RNF180: variants seen among roughly 807,000 people sequenced by gnomAD.
RNF180 encodes E3 ubiquitin-protein ligase RNF180.
In RNF180, 38 loss-of-function variants were observed where a neutral mutation model predicts 59.2. The ratio of observed to expected loss-of-function variants is 0.64; its 90% CI spans 0.50 to 0.84. The LOEUF is 0.84. Ranked by LOEUF, RNF180 falls within the 40% of genes least tolerant of loss-of-function variation. The pLI, the probability that RNF180 is intolerant of heterozygous loss-of-function variation, is 0.00. For synonymous variants in RNF180, 262 were observed against 240.3 expected (o/e 1.09, Z -0.84); for missense variants, 705 against 700.9 (o/e 1.01, Z -0.07).
At chr5:64,263,305 T>C (rs1394947041) in intron 5 of RNF180, among the ~76,000 whole-genome samples, 1 of 152,156 alleles carries the variant, frequency 6.6e-6, no homozygotes, top group African/African-American at 2.4e-5. Flanking sequence ...AAGCCCCAAT[T>C]TGTAACACTT....
chr5:64,335,300 C>T (rs2112549576), intron 7 of RNF180, among the ~76,000 whole-genome samples: 1 of 152,000 alleles, frequency 6.6e-6, no homozygotes, highest in South Asian at 2.1e-4. Flanking sequence ...GTTCTTTTTA[C>T]TTTGATATAT....
At chr5:64,291,717 G>A (rs577971082) in intron 5 of RNF180, among the ~76,000 whole-genome samples, 39 of 152,118 alleles carry the variant, frequency 2.6e-4, no homozygotes, top group African/African-American at 8.7e-4. Context: ...GTGAGCCACC[G>A]TGCCCGGCCC....
intron 5 of RNF180, among the ~76,000 whole-genome samples, chr5:64,234,167 A>G (rs1337571387): frequency 1.3e-5 from 2 of 152,140 alleles, no homozygotes; most frequent in Non-Finnish European, 2.9e-5. Context: ...CCTGTTAAAA[A>G]CGAATTAAAG....
chr5:64,213,913 A>T lies in RNF180; in HGVS notation c.587A>T (p.Glu196Val). The T allele has an allele frequency of 6.2e-7, 1 of 1,614,102 alleles. No homozygotes were observed. The highest frequency in any genetic ancestry group is 1.7e-5 in the Admixed American group (1 of 59,952). The change falls in exon 4 of 8, where the codon GAA becomes GTA. Residue 196 changes from glutamate to valine, a missense_variant. Physicochemically the swap from Glu to Val is moderately radical, Grantham distance 121. Transcript: ENST00000389100. ...CCAACATATTTTGAGATGAAGAACGAAAAACTGCTGTCCAAAGCATCAGAA... is the reference window on the plus strand; with the variant it reads ...CCAACATATTTTGAGATGAAGAACGTAAAACTGCTGTCCAAAGCATCAGAA... ...VRPTYFEMKN[E>V]KLLSKASEPK... is the part of the protein sequence containing the mutation.
At position 64,335,110 on chromosome 5, in the gene RNF180, G is replaced by T. The variant is rs190721390; in HGVS notation, c.1579+4704G>T. 3.9e-5 allele frequency among the ~76,000 whole-genome samples: 6 copies of T among 152,282 alleles called. No individual in the cohort carries two copies. In the East Asian group the frequency reaches 1.2e-3, roughly 29 times the overall value. On this transcript the variant is annotated intron_variant, in intron 7 of 7. Coordinates refer to ENST00000389100, the MANE Select transcript of RNF180 (RefSeq NM_001113561.2). ...TTTAATTTCCATTACTGTGATTACTGATGGGGGTTGAACATATCTTTATAT... is the reference window on the plus strand; with the variant it reads ...TTTAATTTCCATTACTGTGATTACTTATGGGGGTTGAACATATCTTTATAT...
chr5:64,208,704 A>G (rs758131224), intron 2 of RNF180, among the ~76,000 whole-genome samples: 2 of 152,046 alleles, frequency 1.3e-5, no homozygotes, highest in African/African-American at 2.4e-5. Flanking sequence ...TAAAGTTTTC[A>G]GAAAACGAAA....
chr5:64,187,253 T>C (rs1224570337), intron 1 of RNF180, among the ~76,000 whole-genome samples: 1 of 152,196 alleles, frequency 6.6e-6, no homozygotes, highest in East Asian at 1.9e-4. Context: ...GGACAGGATA[T>C]GAAGTACTGG....
intron 7 of RNF180, among the ~76,000 whole-genome samples, chr5:64,332,502 A>G (rs1325749601): frequency 6.6e-6 from 1 of 152,164 alleles, no homozygotes; most frequent in African/African-American, 2.4e-5. Flanking sequence ...CTCTGTTTTG[A>G]TCTGTAAAAT....
intron 5 of RNF180, among the ~76,000 whole-genome samples, chr5:64,239,133 C>T (rs1742629592): frequency 6.6e-6 from 1 of 151,998 alleles, no homozygotes; most frequent in African/African-American, 2.4e-5. Context: ...TATTTTGACC[C>T]ATGTATATGG....
At chr5:64,241,474 T>C (rs1742803363) in intron 5 of RNF180, among the ~76,000 whole-genome samples, 1 of 152,162 alleles carries the variant, frequency 6.6e-6, no homozygotes, top group Admixed American at 6.5e-5. Flanking sequence ...AGCCTACAAG[T>C]TCAGACATTT....
chr5:64,357,426 CA>C (rs1746072967), intron 7 of RNF180, among the ~76,000 whole-genome samples: 1 of 151,800 alleles, frequency 6.6e-6, no homozygotes, highest in South Asian at 2.1e-4. Context: ...AAAGATAGGA[CA>C]TGTCTCCTTT....
chr5:64,357,596 T>C (rs954343877), intron 7 of RNF180, among the ~76,000 whole-genome samples: 11 of 151,838 alleles, frequency 7.2e-5, no homozygotes, highest in Non-Finnish European at 1.3e-4. Flanking sequence ...TTTTATTCTC[T>C]AAAGTCTGTC....
chr5:64,260,959 G>A (rs1317853370), intron 5 of RNF180, among the ~76,000 whole-genome samples: 3 of 141,832 alleles, frequency 2.1e-5, no homozygotes. Flanking sequence ...TTTTTTGGCT[G>A]TATTTTGGGT....
intron 5 of RNF180, among the ~76,000 whole-genome samples, chr5:64,238,047 GA>G (rs1169476683): frequency 1.3e-5 from 2 of 152,158 alleles, no homozygotes; most frequent in African/African-American, 4.8e-5. Flanking sequence ...TACAGTCTAT[GA>G]ACTTGACGAG....
intron 6 of RNF180, among the ~76,000 whole-genome samples, chr5:64,328,972 A>G (rs1025729504): frequency 6.6e-6 from 1 of 151,998 alleles, no homozygotes; most frequent in Non-Finnish European, 1.5e-5. Flanking sequence ...TTTGCTTTCT[A>G]TGGTTCAGAT....
At chr5:64,298,574 A>G (rs1743011418) in intron 5 of RNF180, among the ~76,000 whole-genome samples, 1 of 152,046 alleles carries the variant, frequency 6.6e-6, no homozygotes, top group African/African-American at 2.4e-5. Context: ...CATTAAGCAT[A>G]CTACAATGGA....
At chr5:64,284,128 G>T (rs1561238057) in intron 5 of RNF180, among the ~76,000 whole-genome samples, 2 of 152,108 alleles carry the variant, frequency 1.3e-5, no homozygotes, top group Non-Finnish European at 2.9e-5. Context: ...TTATTTGGCT[G>T]GATTTGAAAT....
chr5:64,217,188 AGTTT>A (rs1236639900), intron 4 of RNF180, among the ~76,000 whole-genome samples, 169 bp from the exon 5 acceptor site: 5 of 152,172 alleles, frequency 3.3e-5, no homozygotes, highest in African/African-American at 9.7e-5. Flanking sequence ...ATATATTTAT[AGTTT>A]GTTCTTTTTT....
chr5:64,267,714 T>C (rs1744767405), intron 5 of RNF180, among the ~76,000 whole-genome samples: 1 of 152,202 alleles, frequency 6.6e-6, no homozygotes, highest in Non-Finnish European at 1.5e-5. Flanking sequence ...GAAAAGTTTT[T>C]AAAATATTAA....
Sources: allele counts gnomAD v4.1 joint callset (sites outside exome capture counted in the v4.1 genomes callset), GRCh38; gene constraint gnomAD v4.1.1; transcripts MANE v1.5; gene names NCBI Gene and HGNC (gene_info 2026-07-23, HGNC 2026-07-21).